ZKSCAN7: variants seen among roughly 807,000 people sequenced by gnomAD.
ZKSCAN7 encodes the protein zinc finger with KRAB and SCAN domains 7.
Under a neutral mutation model 65.3 loss-of-function variants are expected in ZKSCAN7, and 38 were observed. The observed-to-expected ratio is 0.58, with a 90% CI of 0.45 to 0.76. The LOEUF (loss-of-function observed/expected upper bound fraction) is 0.76, where lower values mean the gene tolerates loss of function less well. Ranked by LOEUF, ZKSCAN7 falls within the 30% of genes least tolerant of loss-of-function variation. ZKSCAN7 has a pLI of 0.00. For synonymous variants in ZKSCAN7, 321 were observed against 321.0 expected (o/e 1.00, Z 0.00); for missense variants, 815 against 913.3 (o/e 0.89, Z 1.39).
chr3:44,559,424 A>G (rs568475738), intron 2 of ZKSCAN7, among the ~76,000 whole-genome samples: 22 of 152,128 alleles, frequency 1.4e-4, no homozygotes, highest in African/African-American at 5.3e-4. Flanking sequence ...CCAATATATC[A>G]TTTTATTCAA....
downstream of ZKSCAN7, among the ~76,000 whole-genome samples, chr3:44,577,044 A>G (rs1699935544): frequency 6.6e-6 from 1 of 152,090 alleles, no homozygotes; most frequent in South Asian, 2.1e-4. Flanking sequence ...GCTTACTGCA[A>G]CCTCAACTTC....
chr3:44,560,173 T>C (rs893009495), intron 2 of ZKSCAN7, among the ~76,000 whole-genome samples: 1 of 152,184 alleles, frequency 6.6e-6, no homozygotes, highest in African/African-American at 2.4e-5. Context: ...GTGTAGGGTC[T>C]TTGGAGTCCA....
chr3:44,569,485 G>T (rs1699729605), intron 5 of ZKSCAN7, among the ~76,000 whole-genome samples: 1 of 151,878 alleles, frequency 6.6e-6, no homozygotes, highest in Non-Finnish European at 1.5e-5. Context: ...CTTATGTTTG[G>T]CTTGAGGTAT....
chr3:44,567,174 AAGAAAAGAG>A (rs914428842), intron 3 of ZKSCAN7, among the ~76,000 whole-genome samples: 36 of 40,048 alleles, frequency 9.0e-4, no homozygotes, highest in Admixed American at 1.3e-3. Context: ...GAGAAGAGAA[AAGAAAAGAG>A]AGAAAAGAAA....
downstream of ZKSCAN7, among the ~76,000 whole-genome samples, chr3:44,572,994 A>C (rs6771411): frequency 0.29 from 44,116 of 151,882 alleles, 6,934 homozygotes; most frequent in Non-Finnish European, 0.32. Flanking sequence ...TTGTGGCAAG[A>C]TAATAGATTC....
chr3:44,560,047 CT>C (rs1699420600), intron 2 of ZKSCAN7, among the ~76,000 whole-genome samples: 1 of 152,178 alleles, frequency 6.6e-6, no homozygotes, highest in South Asian at 2.1e-4. Context: ...TCCATTAAAA[CT>C]TTTAGTGCTT....
rs76068408 is a variant in ZKSCAN7, at chr3:44,581,653, T to G, written c.812-1319T>G. The stretch of plus-strand genomic sequence containing the variant: ...GTAAACAGTGTTACAGAACTTCCAA[T>G]TTAATATATATATGTTTTAGTCAAA... On this transcript the variant is annotated intron_variant, in intron 5 of 5. Coordinates refer to the ZKSCAN7 transcript ENST00000341840. 9.6e-3 allele frequency among the ~76,000 whole-genome samples: 1,461 copies of G among 152,304 alleles called. 13 individuals carry two copies. The highest frequency in any genetic ancestry group is 0.013 in the Non-Finnish European group (886 of 68,022).
In ZKSCAN7 at chr3:44,571,882, G is replaced by A. The variant is rs768245385; in HGVS notation, c.*507G>A. 4 of 986,882 alleles carry A rather than the reference G, an allele frequency of 4.1e-6. No homozygotes were observed. The highest frequency in any genetic ancestry group is 4.8e-6 in the Non-Finnish European group (4 of 830,972). The allele number at this position is 986,882 out of a possible 1,614,324, so 61.1% of individuals were successfully genotyped here. A position where few individuals can be genotyped will look rare whatever the true frequency, so the allele number is the denominator to read the frequency against. ...CATTTTCTTCTGTTTGCTAATCTTT[G>A]TCCCTCACAATTTTTGAAATCCATC... On this transcript the variant is annotated 3_prime_UTR_variant, in exon 6 of 6. Transcript: ENST00000426540.
chr3:44,582,579 C>T (rs1700110684), intron 5 of ZKSCAN7, among the ~76,000 whole-genome samples: 1 of 152,028 alleles, frequency 6.6e-6, no homozygotes, highest in Non-Finnish European at 1.5e-5. Context: ...CACAAAAAAA[C>T]ACCCTGATTT....
chr3:44,581,420 T>A (rs947960601), intron 5 of ZKSCAN7, among the ~76,000 whole-genome samples: 2 of 152,180 alleles, frequency 1.3e-5, no homozygotes. Flanking sequence ...CATTCAGTTG[T>A]AGCAAACATC....
At chr3:44,580,579 G>T in intron 5 of ZKSCAN7, 4 of 1,613,842 alleles carry the variant, frequency 2.5e-6, no homozygotes, top group Middle Eastern at 1.7e-4. Context: ...TTGTTGGTCC[G>T]GGGATAGACC....
chr3:44,560,127 C>T (rs1462605981), intron 2 of ZKSCAN7, among the ~76,000 whole-genome samples: 1 of 152,172 alleles, frequency 6.6e-6, no homozygotes, highest in East Asian at 1.9e-4. Flanking sequence ...TAACAGTAGA[C>T]AGTGAGGCAG....
chr3:44,562,539 C>T (rs766918620), intron 2 of ZKSCAN7, among the ~76,000 whole-genome samples: 4 of 152,264 alleles, frequency 2.6e-5, no homozygotes, highest in South Asian at 2.1e-4. Flanking sequence ...TTTTCTACCA[C>T]ATGGCCGGGC....
intron 5 of ZKSCAN7, chr3:44,580,257 T>C: frequency 6.2e-7 from 1 of 1,613,772 alleles, no homozygotes; most frequent in Non-Finnish European, 8.5e-7. Context: ...CCCCCGGACT[T>C]TGCGGCCACA....
At position 44,581,421 on chromosome 3, in the gene ZKSCAN7, A is replaced by T. The variant is rs1700085330; in HGVS notation, c.812-1551A>T. Among the ~76,000 whole-genome samples the T allele has an allele frequency of 3.3e-5, 5 of 152,302 alleles. No individual in the cohort carries two copies. In the South Asian group the frequency reaches 1.0e-3, roughly 32 times the overall value. ...GATATGTGAAAAACCATTCAGTTGT[A>T]GCAAACATCATACACCAGAGACTTT... On this transcript the variant is annotated intron_variant, in intron 5 of 5. Coordinates refer to the ZKSCAN7 transcript ENST00000341840.
chr3:44,581,765 A>C (rs2125738294), intron 5 of ZKSCAN7, among the ~76,000 whole-genome samples: 1 of 152,312 alleles, frequency 6.6e-6, no homozygotes, highest in Admixed American at 6.5e-5. Context: ...TACCTCTTAA[A>C]CATGCAATGA....
At chr3:44,575,470 A>C (rs952379492), downstream of ZKSCAN7, among the ~76,000 whole-genome samples, 1 of 152,258 alleles carries the variant, frequency 6.6e-6, no homozygotes, top group Non-Finnish European at 1.5e-5. Context: ...CATAGTATAC[A>C]CTATAATAAA....
chr3:44,575,014 C>G (rs894614564), downstream of ZKSCAN7, among the ~76,000 whole-genome samples: 1 of 151,680 alleles, frequency 6.6e-6, no homozygotes, highest in East Asian at 2.0e-4. Flanking sequence ...TGGGTCCAGT[C>G]AGGTGTGGTG....
Position 44,580,250 on chromosome 3 carries a change from C to G in ZKSCAN7, c.812-2722C>G, listed in dbSNP as rs948102026. 4 of 1,613,588 alleles carry G rather than the reference C, an allele frequency of 2.5e-6. No homozygotes were observed. The East Asian group carries it at 8.9e-5, about 36-fold the overall frequency. On this transcript the variant is annotated intron_variant, in intron 5 of 5. Transcript: ENST00000341840. ...CCAGAGAGAAGTAGCTGCTCTCCCC[C>G]CGGACTTTGCGGCCACAGTCCATGC... is the stretch of plus-strand genomic sequence containing the variant.
Sources: gnomAD v4.1 joint callset for allele counts (sites outside exome capture counted in the v4.1 genomes callset) on GRCh38, gnomAD v4.1.1 for gene constraint, MANE v1.5 for transcripts, NCBI Gene and HGNC (gene_info 2026-07-23, HGNC 2026-07-21) for gene names.